The following RORA variants were observed in gnomAD, a reference collection of about 807,000 sequenced individuals.
RORA encodes RAR related orphan receptor A.
Under a neutral mutation model 69.5 loss-of-function variants are expected in RORA, and 7 were observed. The ratio of observed to expected loss-of-function variants is 0.10; its 90% CI spans 0.06 to 0.19. The LOEUF is 0.19. RORA is among the 10% of genes least tolerant of loss of function. The pLI is 1.00. For synonymous variants in RORA, 261 were observed against 240.8 expected (o/e 1.08, Z -0.78); for missense variants, 457 against 663.0 (o/e 0.69, Z 3.41).
intron 1 of RORA, among the ~76,000 whole-genome samples, chr15:60,907,812 G>T (rs780610928): frequency 6.6e-6 from 1 of 152,110 alleles, no homozygotes; most frequent in African/African-American, 2.4e-5. Flanking sequence ...AGGCTGCCCC[G>T]CTTGTCAAGA....
intron 1 of RORA, among the ~76,000 whole-genome samples, chr15:60,925,349 A>C (rs536767643): frequency 6.6e-6 from 1 of 152,260 alleles, no homozygotes; most frequent in South Asian, 2.1e-4. Context: ...AGAATATTTG[A>C]AATGTCCCCA....
intron 1 of RORA, among the ~76,000 whole-genome samples, chr15:60,875,618 G>C (rs2140440374): frequency 6.6e-6 from 1 of 152,300 alleles, no homozygotes; most frequent in South Asian, 2.1e-4. Context: ...GCTGTATGGA[G>C]AGGCACTTCA....
In RORA at chr15:60,534,112, C is replaced by G. The variant is rs1251014974; in HGVS notation, c.197-2261G>C. On this transcript the variant is annotated intron_variant, in intron 2 of 10. Transcript: ENST00000335670. This position sits in a 1 kb window ranked among gnomAD's most constrained non-coding sequence, Gnocchi z 5.0. ...ATGATATGCAGTATTCCTGTACAGTCGGCCTGGACTCACAGTGGATTACTA... is the reference window on the plus strand; with the variant it reads ...ATGATATGCAGTATTCCTGTACAGTGGGCCTGGACTCACAGTGGATTACTA... Among the ~76,000 whole-genome samples, 1 of 152,206 alleles carries G rather than the reference C, an allele frequency of 6.6e-6. No individual in the cohort carries two copies. The highest frequency in any genetic ancestry group is 1.5e-5 in the Non-Finnish European group (1 of 68,020).
At chr15:60,615,431 C>T (rs777497586) in intron 2 of RORA, among the ~76,000 whole-genome samples, 3 of 152,146 alleles carry the variant, frequency 2.0e-5, no homozygotes, top group Admixed American at 6.6e-5. Flanking sequence ...AGGGAAGATT[C>T]GCCCCAAAGT....
intron 1 of RORA, among the ~76,000 whole-genome samples, chr15:60,942,870 T>TG (rs1321593476): frequency 1.3e-5 from 2 of 152,200 alleles, no homozygotes; most frequent in African/African-American, 4.8e-5. Flanking sequence ...TTGCTGGCCT[T>TG]ACACATTCTG....
chr15:61,079,817 G>A (rs1203843143), intron 1 of RORA, among the ~76,000 whole-genome samples: 2 of 152,210 alleles, frequency 1.3e-5, no homozygotes, highest in African/African-American at 2.4e-5. Flanking sequence ...CTCTTGGGTG[G>A]TGGTGGTGAA....
At chr15:60,808,624 C>A (rs193085194) in intron 1 of RORA, among the ~76,000 whole-genome samples, 1 of 151,256 alleles carries the variant, frequency 6.6e-6, no homozygotes, top group Admixed American at 6.6e-5. Flanking sequence ...ACGTTTATAG[C>A]GGCACATTTT....
At chr15:60,590,279 CTA>C (rs1175778679) in intron 2 of RORA, among the ~76,000 whole-genome samples, 1 of 151,560 alleles carries the variant, frequency 6.6e-6, no homozygotes, top group Non-Finnish European at 1.5e-5. Flanking sequence ...TACTATGAAA[CTA>C]TTATTTTATG....
At chr15:61,158,262 G>A (rs553638603) in intron 1 of RORA, among the ~76,000 whole-genome samples, 1 of 152,258 alleles carries the variant, frequency 6.6e-6, no homozygotes, top group African/African-American at 2.4e-5. Flanking sequence ...GCAAATATGT[G>A]CTGATCTGAC....
chr15:60,950,297 A>G (rs910516129), intron 1 of RORA, among the ~76,000 whole-genome samples: 16 of 144,692 alleles, frequency 1.1e-4, no homozygotes, highest in Non-Finnish European at 9.0e-5. Flanking sequence ...AGCGCTAAAC[A>G]TGGAAAGGAA....
intron 1 of RORA, among the ~76,000 whole-genome samples, chr15:61,014,685 T>C (rs960235631): frequency 1.3e-5 from 2 of 151,712 alleles, no homozygotes; most frequent in African/African-American, 4.8e-5. Flanking sequence ...AAACCCAATA[T>C]GACAAAATGT....
chr15:60,847,454 G>C (rs1035476647), intron 1 of RORA, among the ~76,000 whole-genome samples: 1 of 152,052 alleles, frequency 6.6e-6, no homozygotes, highest in African/African-American at 2.4e-5. Flanking sequence ...GATGGCTGAT[G>C]GGAGTGACAG....
In RORA at chr15:60,613,696, CTGTGTGTGTGTG is replaced by C. The variant is rs66616801; in HGVS notation, c.196+64949_196+64960del. Among the ~76,000 whole-genome samples, 827 of 125,332 alleles carry C rather than the reference CTGTGTGTGTGTG, an allele frequency of 6.6e-3. 6 individuals are homozygous for C. Among genetic ancestry groups the C allele is most frequent in the Middle Eastern group, 0.017 (4 of 240 alleles). The allele number at this position is 125,332 out of a possible 152,430, so 82.2% of individuals were successfully genotyped here. ...TAATCACAAAATCTCAATTTGATATCTGTGTGTGTGTGTGTGTGTGTGTGTGTGTGTGTGTGT... is the reference window on the plus strand; with the variant it reads ...TAATCACAAAATCTCAATTTGATATCTGTGTGTGTGTGTGTGTGTGTGTGT... On this transcript the variant is annotated intron_variant, in intron 2 of 10. Transcript: ENST00000335670.
At chr15:60,769,809 T>A (rs886308781) in intron 1 of RORA, among the ~76,000 whole-genome samples, 3 of 152,138 alleles carry the variant, frequency 2.0e-5, no homozygotes, top group Non-Finnish European at 2.9e-5. Flanking sequence ...CCACCCATTG[T>A]CCCCCTCCAA....
chr15:61,033,419 C>CAAAACAAAAAA (rs1555403814), intron 1 of RORA, among the ~76,000 whole-genome samples: 212 of 150,614 alleles, frequency 1.4e-3, no homozygotes, highest in African/African-American at 4.4e-3. Flanking sequence ...AAAAAAAAAA[C>CAAAACAAAAAA]AAAAACCAGT....
chr15:61,206,233 T>G (rs2079940125), intron 1 of RORA, among the ~76,000 whole-genome samples: 1 of 152,162 alleles, frequency 6.6e-6, no homozygotes, highest in Non-Finnish European at 1.5e-5. Context: ...ATATAAGAAC[T>G]GATTATTGCA....
intron 1 of RORA, among the ~76,000 whole-genome samples, chr15:60,754,941 C>T (rs2071775803): frequency 6.6e-6 from 1 of 150,854 alleles, no homozygotes. Context: ...CTCTTATTAT[C>T]CCCGTAAACT....
At chr15:60,849,852 G>C (rs559096950) in intron 1 of RORA, among the ~76,000 whole-genome samples, 1 of 152,300 alleles carries the variant, frequency 6.6e-6, no homozygotes, top group East Asian at 1.9e-4. Flanking sequence ...CCTGAGAATA[G>C]AGGAGGAGGC....
At chr15:61,024,063 G>T (rs997135962) in intron 1 of RORA, among the ~76,000 whole-genome samples, 3 of 151,986 alleles carry the variant, frequency 2.0e-5, no homozygotes, top group African/African-American at 7.3e-5. Context: ...CCTCTATAAA[G>T]GCCACGGCAT....
Sources: gnomAD v4.1 joint callset for allele counts (sites outside exome capture counted in the v4.1 genomes callset) on GRCh38, gnomAD v4.1.1 for gene constraint, Gnocchi (gnomAD v3.1) non-coding constraint, MANE v1.5 for transcripts, NCBI Gene and HGNC (gene_info 2026-07-23, HGNC 2026-07-21) for gene names.